Variants in MBD5 observed in about 807,000 individuals in gnomAD.
MBD5 encodes the protein methyl-CpG-binding domain protein 5.
In MBD5, 13 loss-of-function variants were observed where a neutral mutation model predicts 117.3. The ratio of observed to expected loss-of-function variants is 0.11; its 90% CI spans 0.07 to 0.18. The LOEUF (loss-of-function observed/expected upper bound fraction) is 0.18. Among genes scored for constraint, MBD5 ranks in the 10% least tolerant of loss-of-function variants. The pLI is 1.00. For missense variants in MBD5, 1,879 were observed against 2,093.8 expected, an observed-to-expected ratio of 0.90 and a Z score of 2.00; for synonymous variants, 727 against 766.4, an observed-to-expected ratio of 0.95 and a Z score of 0.85.
chr2:148,056,403 C>T (rs75783574), intron 1 of MBD5, among the ~76,000 whole-genome samples: 62 of 152,034 alleles, frequency 4.1e-4, no homozygotes, highest in African/African-American at 1.5e-3. Flanking sequence ...GTAATGTTGC[C>T]AGTCATAAAA....
chr2:148,073,565 A>G (rs778009560), intron 1 of MBD5, among the ~76,000 whole-genome samples: 2 of 152,190 alleles, frequency 1.3e-5, no homozygotes, highest in Non-Finnish European at 2.9e-5. Flanking sequence ...GGCATACTGT[A>G]TAACCATTAA....
intron 3 of MBD5, among the ~76,000 whole-genome samples, chr2:148,327,444 G>C (rs9750419): frequency 0.27 from 41,628 of 151,774 alleles, 5,927 homozygotes; most frequent in African/African-American, 0.31. Flanking sequence ...CCTGCAGAGG[G>C]GGGGTTCCAT....
At chr2:148,072,762 C>G (rs1285920665) in intron 1 of MBD5, among the ~76,000 whole-genome samples, 1 of 151,942 alleles carries the variant, frequency 6.6e-6, no homozygotes, top group Non-Finnish European at 1.5e-5. Flanking sequence ...AAGTTTTTTT[C>G]CAAATTTTCA....
chr2:148,263,111 A>G (rs1041114089), intron 3 of MBD5, among the ~76,000 whole-genome samples: 4 of 152,194 alleles, frequency 2.6e-5, no homozygotes, highest in Non-Finnish European at 4.4e-5. Flanking sequence ...AGGGGAAAAG[A>G]TGATGAGTTT....
chr2:148,422,338 A>G (rs61319805), intron 4 of MBD5, among the ~76,000 whole-genome samples: 39,729 of 152,104 alleles, frequency 0.26, 6,269 homozygotes, highest in African/African-American at 0.44. Flanking sequence ...CTGCAGCAAA[A>G]GGGCCTGACT....
At chr2:148,094,175 T>C (rs1040489559) in intron 1 of MBD5, among the ~76,000 whole-genome samples, 10 of 152,154 alleles carry the variant, frequency 6.6e-5, no homozygotes, top group African/African-American at 2.2e-4. Flanking sequence ...TGAATGTATA[T>C]TGTTACTTGT....
rs1002176017 is a variant in MBD5 at position 148,021,619 on chromosome 2, T to G, written c.-990T>G. 11 of 462,116 alleles carry G rather than the reference T, an allele frequency of 2.4e-5. No homozygotes were observed. Among genetic ancestry groups the G allele is most frequent in the East Asian group, 5.7e-5 (1 of 17,690 alleles). 28.6% of individuals were successfully genotyped at this position (462,116 alleles called of 1,614,324 possible). On this transcript the variant is annotated 5_prime_UTR_variant, in exon 1 of 14. Coordinates refer to ENST00000642680, the MANE Select transcript of MBD5 (RefSeq NM_001378120.1). ...GCCTCCTCCTCCTCCACTCCCCCCCTTTATTACCCTTTGTGTCATCCTCCA... is the reference window on the plus strand; with the variant it reads ...GCCTCCTCCTCCTCCACTCCCCCCCGTTATTACCCTTTGTGTCATCCTCCA...
chr2:148,322,536 C>G (rs2106577533), intron 3 of MBD5, among the ~76,000 whole-genome samples: 1 of 152,120 alleles, frequency 6.6e-6, no homozygotes, highest in Non-Finnish European at 1.5e-5. Context: ...CCTATTTTTT[C>G]CTACTTTAAA....
chr2:148,279,322 A>G (rs973573070), intron 3 of MBD5, among the ~76,000 whole-genome samples: 1 of 152,198 alleles, frequency 6.6e-6, no homozygotes, highest in African/African-American at 2.4e-5. Context: ...CCTAGATACT[A>G]GGAAGGTCAA....
intron 1 of MBD5, among the ~76,000 whole-genome samples, chr2:148,123,699 A>G (rs892046821): frequency 6.6e-6 from 1 of 152,232 alleles, no homozygotes; most frequent in Non-Finnish European, 1.5e-5. Context: ...CAGATTCTGA[A>G]TAGTTATGAG....
At position 148,345,570 on chromosome 2, in the gene MBD5, TAC is replaced by T. The variant is rs1318415268; in HGVS notation, c.-557+3238_-557+3239del. On this transcript the variant is annotated intron_variant, in intron 4 of 13. Transcript: ENST00000642680. ...ACACATACATATGTATATACACGTA[TAC>T]ACATACATATGTATATACACGTATA... Among the ~76,000 whole-genome samples, 168 of 74,452 alleles carry T rather than the reference TAC, an allele frequency of 2.3e-3. 5 individuals are homozygous for T. The highest frequency in any genetic ancestry group is 3.6e-3 in the Non-Finnish European group (131 of 35,902). 48.8% of individuals were successfully genotyped at this position (74,452 alleles called of 152,430 possible). A position where few individuals can be genotyped will look rare whatever the true frequency, so the allele number is the denominator to read the frequency against.
intron 1 of MBD5, among the ~76,000 whole-genome samples, chr2:148,065,126 A>G (rs1695150969): frequency 6.6e-6 from 1 of 152,158 alleles, no homozygotes; most frequent in Non-Finnish European, 1.5e-5. Flanking sequence ...TAGGGGTTTG[A>G]TAGCTGCCGA....
intron 3 of MBD5, among the ~76,000 whole-genome samples, chr2:148,272,443 TA>T (rs1290464206): frequency 1.3e-5 from 2 of 152,182 alleles, no homozygotes; most frequent in East Asian, 1.9e-4. Flanking sequence ...TGTCAATACT[TA>T]TTTTTTTTGT....
chr2:148,472,810 G>A (rs535728776), intron 8 of MBD5, among the ~76,000 whole-genome samples: 3 of 152,030 alleles, frequency 2.0e-5, no homozygotes, highest in African/African-American at 4.8e-5. Context: ...GCTATCTATC[G>A]TCAAGTACCT....
chr2:148,468,562 G>A lies in MBD5; in HGVS notation c.619G>A (p.Glu207Lys). 6.2e-7 allele frequency: 1 copy of A among 1,613,910 alleles called. No homozygotes were observed. The highest frequency in any genetic ancestry group is 8.5e-7 in the Non-Finnish European group (1 of 1,179,884). ...VYPRQRLGSS[E>K]HGQKSPFRGS... Reference sequence around the variant, plus strand: ...CCCCCGACAGAGATTGGGCAGCAGTGAACATGGACAGAAATCTCCATTCCG... The same window carrying A: ...CCCCCGACAGAGATTGGGCAGCAGTAAACATGGACAGAAATCTCCATTCCG... The change falls in exon 8 of 14, where the codon GAA becomes AAA. Residue 207 changes from glutamate (E) to lysine (K), a missense_variant. Around this residue, in one of 4 missense-constraint regions of MBD5, gnomAD observed 1,666 missense variants for 1,792.2 expected, o/e 0.93. Transcript: ENST00000642680.
chr2:148,386,718 CAA>C (rs60766324), intron 4 of MBD5, among the ~76,000 whole-genome samples: 21 of 104,228 alleles, frequency 2.0e-4, no homozygotes, highest in African/African-American at 7.7e-4. Context: ...GACTCCGTCT[CAA>C]AAAAAAAAAA....
At chr2:148,165,251 TAGAC>T (rs914602393) in intron 1 of MBD5, among the ~76,000 whole-genome samples, 1 of 152,122 alleles carries the variant, frequency 6.6e-6, no homozygotes, top group Non-Finnish European at 1.5e-5. Flanking sequence ...TTACAGATGT[TAGAC>T]AGTGAATATA....
At chr2:148,061,206 G>A (rs1443589865) in intron 1 of MBD5, among the ~76,000 whole-genome samples, 1 of 151,870 alleles carries the variant, frequency 6.6e-6, no homozygotes, top group Non-Finnish European at 1.5e-5. Context: ...ACCCTGCTTT[G>A]CTGTTCGTGA....
intron 4 of MBD5, among the ~76,000 whole-genome samples, chr2:148,450,740 A>C (rs1706702339): frequency 6.6e-6 from 1 of 152,188 alleles, no homozygotes; most frequent in African/African-American, 2.4e-5. Flanking sequence ...AAGATTCAGC[A>C]TATGGAGTGA....
Sources: gnomAD v4.1 joint callset for allele counts (sites outside exome capture counted in the v4.1 genomes callset) on GRCh38, gnomAD v4.1.1 for gene constraint, gnomAD v4.1.1 regional missense constraint, MANE v1.5 for transcripts, NCBI Gene and HGNC (gene_info 2026-07-23, HGNC 2026-07-21) for gene names.